GSK3B: variants seen among roughly 807,000 people sequenced by gnomAD.
GSK3B encodes the protein glycogen synthase kinase 3 beta.
In GSK3B, 15 loss-of-function variants were observed where a neutral mutation model predicts 56.4. The ratio of observed to expected loss-of-function variants is 0.27; its 90% CI spans 0.18 to 0.41. GSK3B has a LOEUF of 0.41. Ranked by LOEUF, GSK3B falls within the 10% of genes least tolerant of loss-of-function variation. The pLI is 1.00. For missense variants in GSK3B, 300 were observed against 513.4 expected (o/e 0.58, Z 4.02); for synonymous variants, 181 against 188.9 (o/e 0.96, Z 0.34).
chr3:119,874,230 C>T (rs912914148), intron 8 of GSK3B, among the ~76,000 whole-genome samples: 2 of 152,032 alleles, frequency 1.3e-5, no homozygotes, highest in South Asian at 4.1e-4. Context: ...CTTTTATCTA[C>T]AGGGGATATG....
chr3:119,860,369 T>A (rs1012767554), intron 9 of GSK3B, among the ~76,000 whole-genome samples: 1 of 152,162 alleles, frequency 6.6e-6, no homozygotes. Context: ...TGAATGCAGA[T>A]AATATTGTCA....
chr3:120,078,315 T>C (rs899143411), intron 1 of GSK3B, among the ~76,000 whole-genome samples: 21 of 152,118 alleles, frequency 1.4e-4, no homozygotes, highest in African/African-American at 4.8e-4. Context: ...CCTAAATAAA[T>C]ACTGAAAGCC....
intron 2 of GSK3B, among the ~76,000 whole-genome samples, chr3:119,967,802 C>T (rs920248823): frequency 2.0e-5 from 3 of 147,100 alleles, no homozygotes; most frequent in African/African-American, 7.7e-5. Flanking sequence ...CTCTCTCTCC[C>T]TCTCTCCCTC....
intron 1 of GSK3B, among the ~76,000 whole-genome samples, chr3:120,027,500 C>G (rs2057938396): frequency 6.6e-6 from 1 of 151,944 alleles, no homozygotes; most frequent in Non-Finnish European, 1.5e-5. Context: ...TTGATTTACA[C>G]AGATATTCAT....
chr3:120,047,890 G>T (rs1056938685), intron 1 of GSK3B, among the ~76,000 whole-genome samples: 17 of 152,142 alleles, frequency 1.1e-4, no homozygotes, highest in Admixed American at 2.6e-4. Context: ...TCACTGAGCA[G>T]TACACTTAGG....
chr3:119,925,578 A>C (rs1245625339), intron 3 of GSK3B, among the ~76,000 whole-genome samples: 1 of 152,174 alleles, frequency 6.6e-6, no homozygotes, highest in Non-Finnish European at 1.5e-5. Context: ...CTACATGTTA[A>C]AGCAAAAACA....
intron 2 of GSK3B, among the ~76,000 whole-genome samples, chr3:120,000,755 C>T (rs974011984): frequency 2.1e-5 from 3 of 141,228 alleles, no homozygotes; most frequent in Middle Eastern, 4.0e-3. Context: ...AAATACATGA[C>T]GAGAACTGAA....
At chr3:119,956,541 C>A (rs1436404439) in intron 2 of GSK3B, among the ~76,000 whole-genome samples, 1 of 152,056 alleles carries the variant, frequency 6.6e-6, no homozygotes, top group Admixed American at 6.6e-5. Flanking sequence ...TGTTGGTGCT[C>A]AAAAAGTTTT....
rs1485803934 is a variant in GSK3B, at chr3:119,821,375, C to T, written c.*5413G>A. 2.0e-5 allele frequency: 3 copies of T among 152,190 alleles called. No individual in the cohort carries two copies. In the East Asian group the frequency reaches 5.8e-4, roughly 29 times the overall value. 9.4% of individuals were successfully genotyped at this position (152,190 alleles called of 1,614,324 possible). A position where few individuals can be genotyped will look rare whatever the true frequency, so the allele number is the denominator to read the frequency against. ...GCAGTCACATGACCTTATATCTAGC[C>T]TTTAGATTAGGCCTGACAGAGTGAG... is the stretch of plus-strand genomic sequence containing the variant. On this transcript the variant is annotated 3_prime_UTR_variant, in exon 11 of 11. Coordinates refer to ENST00000264235, the MANE Select transcript of GSK3B (RefSeq NM_001146156.2).
chr3:120,068,316 G>T (rs1350389346), intron 1 of GSK3B, among the ~76,000 whole-genome samples: 1 of 151,438 alleles, frequency 6.6e-6, no homozygotes. Flanking sequence ...CCTTGAACCT[G>T]GGAGGCGGAG....
intron 2 of GSK3B, among the ~76,000 whole-genome samples, chr3:119,977,912 G>A (rs2057422720): frequency 6.6e-6 from 1 of 152,084 alleles, no homozygotes; most frequent in African/African-American, 2.4e-5. Context: ...ACAAAACACT[G>A]AAGAAGAGAA....
intron 1 of GSK3B, among the ~76,000 whole-genome samples, chr3:120,003,405 C>T (rs779171063): frequency 3.3e-5 from 5 of 152,186 alleles, no homozygotes; most frequent in African/African-American, 7.2e-5. Context: ...GTGACTTCAA[C>T]GTACACAAAA....
chr3:119,882,548 A>G (rs979798120), intron 7 of GSK3B, among the ~76,000 whole-genome samples: 3 of 152,150 alleles, frequency 2.0e-5, no homozygotes, highest in Non-Finnish European at 2.9e-5. Flanking sequence ...TGCATTTCAA[A>G]ATAAGTTGCA....
chr3:119,992,498 C>A (rs2057574995), intron 2 of GSK3B, among the ~76,000 whole-genome samples: 1 of 151,942 alleles, frequency 6.6e-6, no homozygotes, highest in South Asian at 2.1e-4. Flanking sequence ...AAAAACTGAA[C>A]CCTGATAACT....
intron 1 of GSK3B, among the ~76,000 whole-genome samples, chr3:120,027,653 G>A (rs934755239): frequency 6.6e-6 from 1 of 152,060 alleles, no homozygotes; most frequent in Non-Finnish European, 1.5e-5. Flanking sequence ...ATATTTAATG[G>A]TTTAGGAAAA....
chr3:120,076,120 C>G (rs1231861426), intron 1 of GSK3B, among the ~76,000 whole-genome samples: 1 of 152,160 alleles, frequency 6.6e-6, no homozygotes, highest in Non-Finnish European at 1.5e-5. Context: ...CAACACAATT[C>G]TTCAATAAAT....
chr3:119,938,131 A>T (rs1273393880), intron 3 of GSK3B, among the ~76,000 whole-genome samples: 1 of 152,166 alleles, frequency 6.6e-6, no homozygotes, highest in Non-Finnish European at 1.5e-5. Flanking sequence ...TAATAAAGAA[A>T]AAAACCTCCC....
chr3:120,046,472 C>T (rs777968593), intron 1 of GSK3B, among the ~76,000 whole-genome samples: 19 of 151,720 alleles, frequency 1.3e-4, no homozygotes, highest in Non-Finnish European at 2.5e-4. Context: ...ATTATGTAAA[C>T]CTAAAACTGC....
intron 1 of GSK3B, among the ~76,000 whole-genome samples, chr3:120,054,049 C>T (rs1168287610): frequency 6.6e-6 from 1 of 152,056 alleles, no homozygotes; most frequent in Non-Finnish European, 1.5e-5. Flanking sequence ...ACCGGCAGTA[C>T]AATAACTGAT....
Sources: gnomAD v4.1 joint callset for allele counts (sites outside exome capture counted in the v4.1 genomes callset) on GRCh38, gnomAD v4.1.1 for gene constraint, MANE v1.5 for transcripts, NCBI Gene and HGNC (gene_info 2026-07-23, HGNC 2026-07-21) for gene names.